The following CDH13 variants were observed in gnomAD, a reference collection of about 807,000 sequenced individuals.
CDH13 encodes the protein cadherin 13, also known as cadherin-13.
CDH13 carries 24 observed loss-of-function variants against 63.8 expected under a neutral mutation model. The observed-to-expected ratio is 0.38, with a 90% CI of 0.27 to 0.53. The LOEUF is 0.53. Among genes scored for constraint, CDH13 ranks in the 20% least tolerant of loss-of-function variants. CDH13 has a pLI of 0.85. For missense variants in CDH13, 1,049 were observed against 903.1 expected (o/e 1.16, Z -2.07); for synonymous variants, 503 against 355.3 (o/e 1.42, Z -4.67).
chr16:82,697,473 G>C (rs1185909349), intron 1 of CDH13, among the ~76,000 whole-genome samples: 4 of 145,344 alleles, frequency 2.8e-5, no homozygotes, highest in East Asian at 2.0e-4. Flanking sequence ...TCTGTCACTG[G>C]GGCTGGAGTG....
intron 2 of CDH13, among the ~76,000 whole-genome samples, chr16:83,028,424 C>A (rs182371664): frequency 1.6e-4 from 24 of 152,236 alleles, no homozygotes; most frequent in Admixed American, 1.3e-3. Context: ...GCCTTAGAAC[C>A]TTTGCAGAGC....
At chr16:83,109,738 C>T (rs1170724669) in intron 3 of CDH13, among the ~76,000 whole-genome samples, 1 of 152,170 alleles carries the variant, frequency 6.6e-6, no homozygotes, top group Non-Finnish European at 1.5e-5. Context: ...ATGCCTCCAG[C>T]TGGTCACAAG....
chr16:82,856,307 G>A (rs550570973), intron 1 of CDH13, among the ~76,000 whole-genome samples: 22 of 150,892 alleles, frequency 1.5e-4, no homozygotes, highest in African/African-American at 2.7e-4. Context: ...AGCTGGGGGC[G>A]GAGCTTGCAG....
At chr16:82,705,270 G>T (rs1740355924) in intron 1 of CDH13, 1 of 416,258 alleles carries the variant, frequency 2.4e-6, no homozygotes, top group Non-Finnish European at 4.7e-6. Flanking sequence ...GACCACGTTG[G>T]ACAGGTGAGA....
chr16:83,051,468 A>T (rs28731173), intron 3 of CDH13, among the ~76,000 whole-genome samples: 95 of 152,322 alleles, frequency 6.2e-4, no homozygotes, highest in African/African-American at 2.1e-3. Flanking sequence ...CAATAGGTAA[A>T]CCTGGTACTA....
At chr16:83,519,459 T>G (rs561804114) in intron 7 of CDH13, among the ~76,000 whole-genome samples, 1 of 152,346 alleles carries the variant, frequency 6.6e-6, no homozygotes, top group Non-Finnish European at 1.5e-5. Context: ...AAAATGAATT[T>G]CATATCGCAC....
At chr16:82,984,276 C>A (rs1910659472) in intron 2 of CDH13, among the ~76,000 whole-genome samples, 1 of 152,304 alleles carries the variant, frequency 6.6e-6, no homozygotes, top group South Asian at 2.1e-4. Flanking sequence ...TTCCCGGAAC[C>A]ACCCCAGACT....
At chr16:83,505,342 A>T (rs1262134685) in intron 7 of CDH13, among the ~76,000 whole-genome samples, 1 of 152,064 alleles carries the variant, frequency 6.6e-6, no homozygotes, top group Non-Finnish European at 1.5e-5. Context: ...TAGGACTCAG[A>T]AGTGCTTTGC....
At chr16:83,066,749 A>G (rs1162134384) in intron 3 of CDH13, among the ~76,000 whole-genome samples, 1 of 152,182 alleles carries the variant, frequency 6.6e-6, no homozygotes, top group African/African-American at 2.4e-5. Context: ...TTACAAAGAA[A>G]AATTACTGTC....
intron 3 of CDH13, among the ~76,000 whole-genome samples, chr16:83,105,392 C>T (rs1023314880): frequency 6.6e-6 from 1 of 152,206 alleles, no homozygotes; most frequent in Non-Finnish European, 1.5e-5. Flanking sequence ...CGAGGCTGAG[C>T]GCAGGGTGGC....
intron 7 of CDH13, among the ~76,000 whole-genome samples, chr16:83,578,107 T>C (rs1905218011): frequency 6.6e-6 from 1 of 152,232 alleles, no homozygotes; most frequent in Non-Finnish European, 1.5e-5. Context: ...CAATCTTCAG[T>C]GCTGCAAAGA....
chr16:83,556,157 A>C (rs540286048), intron 7 of CDH13, among the ~76,000 whole-genome samples: 13 of 152,232 alleles, frequency 8.5e-5, no homozygotes, highest in African/African-American at 2.9e-4. Context: ...TTCTAACTCA[A>C]ACGTTAGGAG....
At chr16:83,483,583 A>G (rs17758924) in intron 6 of CDH13, among the ~76,000 whole-genome samples, 22,200 of 151,956 alleles carry the variant, frequency 0.15, 1,843 homozygotes, top group South Asian at 0.22. Flanking sequence ...TAGGGCACAA[A>G]TCCAATCAAT....
chr16:83,310,819 T>G (rs1353266044), intron 5 of CDH13, among the ~76,000 whole-genome samples: 1 of 152,192 alleles, frequency 6.6e-6, no homozygotes, highest in Non-Finnish European at 1.5e-5. Flanking sequence ...GCAGGTGACT[T>G]GCTTCTGCCT....
chr16:83,411,746 C>T (rs1185727081), intron 6 of CDH13, among the ~76,000 whole-genome samples: 1 of 152,060 alleles, frequency 6.6e-6, no homozygotes, highest in East Asian at 1.9e-4. Context: ...TTAAACATAC[C>T]AGCTAGTGGA....
chr16:82,936,023 TG>T (rs1250988874), intron 2 of CDH13, among the ~76,000 whole-genome samples: 1 of 152,182 alleles, frequency 6.6e-6, no homozygotes, highest in Non-Finnish European at 1.5e-5. Context: ...ACACAGGGCA[TG>T]GGCAAGGCTG....
intron 2 of CDH13, among the ~76,000 whole-genome samples, chr16:83,009,690 A>G (rs1409565383): frequency 6.6e-6 from 1 of 152,206 alleles, no homozygotes; most frequent in Non-Finnish European, 1.5e-5. Flanking sequence ...TTGATGGTGG[A>G]TAATGTATAT....
chr16:83,722,403 G>T (rs1202464820), intron 10 of CDH13, among the ~76,000 whole-genome samples: 2 of 152,210 alleles, frequency 1.3e-5, no homozygotes, highest in Non-Finnish European at 2.9e-5. Context: ...ATTCATAGCA[G>T]TTTGCAGGGG....
chr16:83,014,757 T>TAC (rs1567745576), intron 2 of CDH13, among the ~76,000 whole-genome samples: 1 of 40,828 alleles, frequency 2.4e-5, no homozygotes, highest in Admixed American at 3.1e-4. Context: ...TATATATATA[T>TAC]ATATATATAT....
Sources: gnomAD v4.1 joint callset for allele counts (sites outside exome capture counted in the v4.1 genomes callset) on GRCh38, gnomAD v4.1.1 for gene constraint, MANE v1.5 for transcripts, NCBI Gene and HGNC (gene_info 2026-07-23, HGNC 2026-07-21) for gene names.